Variants in TSHZ1 observed in about 807,000 individuals in gnomAD.
TSHZ1 encodes teashirt zinc finger homeobox 1.
TSHZ1 carries 12 observed loss-of-function variants against 67.1 expected under a neutral mutation model. The observed-to-expected ratio is 0.18, with a 90% CI of 0.11 to 0.29. The LOEUF is 0.29. Among genes scored for constraint, TSHZ1 ranks in the 10% least tolerant of loss-of-function variants. The probability of loss-of-function intolerance (pLI) is 1.00; values close to 1 mark genes in which losing one functional copy is unlikely to be tolerated. For synonymous variants in TSHZ1, 632 were observed against 622.4 expected (o/e 1.02, Z -0.23); for missense variants, 1,305 against 1,413.9 (o/e 0.92, Z 1.23).
Position 75,287,640 on chromosome 18 carries a change from C to A in TSHZ1, c.2233C>A (p.Pro745Thr). 1 of 1,614,194 alleles carries A rather than the reference C, an allele frequency of 6.2e-7. No individual in the cohort carries two copies. Among genetic ancestry groups the A allele is most frequent in the Non-Finnish European group, 8.5e-7 (1 of 1,180,052 alleles). The change falls in exon 2 of 2, where the codon CCG becomes ACG. Residue 745 changes from proline to threonine, a missense_variant. Pro to Thr is a conservative substitution (Grantham distance 38). Coordinates refer to ENST00000580243, the MANE Select transcript of TSHZ1 (RefSeq NM_001308210.2). This position sits in a 1 kb window ranked among gnomAD's most constrained non-coding sequence, Gnocchi z 5.0. ...DHSPEPSFIN[P>T]LSALQSIMNT... ...CTCACCGGAGCCTTCCTTCATCAAC[C>A]CGCTGAGCGCTTTGCAGTCCATCAT...
chr18:75,257,676 C>T (rs952068414), intron 1 of TSHZ1, among the ~76,000 whole-genome samples: 1 of 151,892 alleles, frequency 6.6e-6, no homozygotes, highest in Non-Finnish European at 1.5e-5. Flanking sequence ...GCTTTTGCCT[C>T]TGGGATCTCT....
chr18:75,286,613 C>G lies in TSHZ1; in HGVS notation c.1206C>G (p.Ala402=). 6.2e-7 allele frequency: 1 copy of G among 1,614,250 alleles called. No individual in the cohort carries two copies. Among genetic ancestry groups the G allele is most frequent in the Admixed American group, 1.7e-5 (1 of 60,026 alleles). ...ACCGCTATGGCTACCAGAATGGCGC[C>G]AGCTACACCTGGCAGTTTGAGGCCC... ...PNNRYGYQNG[A]SYTWQFEARK... The change falls in exon 2 of 2, where the codon GCC becomes GCG. Residue 402 remains alanine (A), a synonymous_variant. Coordinates refer to ENST00000580243, the MANE Select transcript of TSHZ1 (RefSeq NM_001308210.2). This position sits in a 1 kb window ranked among gnomAD's most constrained non-coding sequence, Gnocchi z 5.1.
chr18:75,286,636 C>T lies in TSHZ1; in HGVS notation c.1229C>T (p.Ala410Val). The T allele has an allele frequency of 6.2e-7, 1 of 1,614,236 alleles. No homozygotes were observed. Among genetic ancestry groups the T allele is most frequent in the South Asian group, 1.1e-5 (1 of 91,088 alleles). The change falls in exon 2 of 2, where the codon GCC (alanine) becomes GTC (valine). Residue 410 changes from alanine to valine, a missense_variant. Ala to Val is a moderately conservative substitution (Grantham distance 64, BLOSUM62 0). Around this residue, in one of 3 missense-constraint regions of TSHZ1, gnomAD observed 909 missense variants for 961.8 expected, o/e 0.95. Coordinates refer to ENST00000580243, the MANE Select transcript of TSHZ1 (RefSeq NM_001308210.2). This position sits in a 1 kb window ranked among gnomAD's most constrained non-coding sequence, Gnocchi z 5.1. ...GCCAGCTACACCTGGCAGTTTGAGG[C>T]CCGCAAGGCGCAGATCCTCAAGTGC... Reference protein sequence around the residue: ...NGASYTWQFEARKAQILKCME... With the variant: ...NGASYTWQFEVRKAQILKCME...
intron 1 of TSHZ1, among the ~76,000 whole-genome samples, chr18:75,264,411 G>A (rs1003212403): frequency 7.2e-5 from 11 of 151,910 alleles, no homozygotes; most frequent in African/African-American, 2.4e-4. Flanking sequence ...TTTTGCATGC[G>A]GGTGGTGTTT....
chr18:75,213,830 C>A (rs1465745358), intron 1 of TSHZ1, among the ~76,000 whole-genome samples: 1 of 151,982 alleles, frequency 6.6e-6, no homozygotes, highest in Non-Finnish European at 1.5e-5. Flanking sequence ...TCCATTCTTT[C>A]CTCTACACGA....
chr18:75,287,477 A>C lies in TSHZ1; in HGVS notation c.2070A>C (p.Pro690=). 6.2e-7 allele frequency: 1 copy of C among 1,614,208 alleles called. No individual in the cohort carries two copies. The highest frequency in any genetic ancestry group is 8.5e-7 in the Non-Finnish European group (1 of 1,180,040). ...FPKTEEVSGK[P]QKKGPEAETG... Reference sequence around the variant, plus strand: ...AAACGGAGGAAGTCAGCGGCAAACCACAGAAGAAGGGCCCTGAGGCCGAGA... The same window carrying C: ...AAACGGAGGAAGTCAGCGGCAAACCCCAGAAGAAGGGCCCTGAGGCCGAGA... Residue 690 remains proline, a synonymous_variant, in exon 2 of 2, where the codon CCA becomes CCC. Coordinates refer to ENST00000580243, the MANE Select transcript of TSHZ1 (RefSeq NM_001308210.2). The surrounding 1 kb of genome is among the most constrained non-coding windows in gnomAD (Gnocchi z 5.0).
At chr18:75,240,023 T>C (rs2023133493) in intron 1 of TSHZ1, among the ~76,000 whole-genome samples, 1 of 152,192 alleles carries the variant, frequency 6.6e-6, no homozygotes, top group Admixed American at 6.5e-5. Flanking sequence ...ATGAATATGG[T>C]AAAAATAGGA....
intron 1 of TSHZ1, among the ~76,000 whole-genome samples, chr18:75,272,933 A>T (rs530329825): frequency 6.6e-6 from 1 of 152,200 alleles, no homozygotes. Flanking sequence ...GATTCCAAAC[A>T]TCCAAATTTG....
chr18:75,250,209 C>T (rs932389559), intron 1 of TSHZ1, among the ~76,000 whole-genome samples: 1 of 152,176 alleles, frequency 6.6e-6, no homozygotes, highest in South Asian at 2.1e-4. Flanking sequence ...CCCATCTCAC[C>T]CCTGCTGTAG....
chr18:75,287,395 A>C lies in TSHZ1; in HGVS notation c.1988A>C (p.Lys663Thr). The change falls in exon 2 of 2, where the codon AAG becomes ACG. Residue 663 changes from lysine (K) to threonine (T), a missense_variant. Transcript: ENST00000580243. This position sits in a 1 kb window ranked among gnomAD's most constrained non-coding sequence, Gnocchi z 5.0. Reference sequence around the variant, plus strand: ...GAGGAGAGACCCCCTGAGAAGGAGAAGAGCTCCCTGGCCAAGGCTGCGTCC... The same window carrying C: ...GAGGAGAGACCCCCTGAGAAGGAGACGAGCTCCCTGGCCAAGGCTGCGTCC... ...KKEERPPEKE[K>T]SSLAKAASPI... 6.2e-7 allele frequency: 1 copy of C among 1,614,128 alleles called. No homozygotes were observed. The highest frequency in any genetic ancestry group is 8.5e-7 in the Non-Finnish European group (1 of 1,180,026).
chr18:75,275,645 G>T (rs1455304392), intron 1 of TSHZ1, among the ~76,000 whole-genome samples: 1 of 152,200 alleles, frequency 6.6e-6, no homozygotes, highest in African/African-American at 2.4e-5. Flanking sequence ...TTGGAACCTG[G>T]TGTTGGCTAA....
At chr18:75,229,278 T>C (rs1236840354) in intron 1 of TSHZ1, among the ~76,000 whole-genome samples, 3 of 152,228 alleles carry the variant, frequency 2.0e-5, no homozygotes, top group Non-Finnish European at 4.4e-5. Flanking sequence ...GCTTTTTAAA[T>C]AGGGAAGGTT....
chr18:75,236,216 G>A (rs2023068752), intron 1 of TSHZ1, among the ~76,000 whole-genome samples: 1 of 152,184 alleles, frequency 6.6e-6, no homozygotes, highest in South Asian at 2.1e-4. Context: ...CACCTGACCA[G>A]GGGTGTGTGT....
chr18:75,211,963 G>A, intron 1 of TSHZ1, 47 bp downstream of exon 1: 1 of 1,197,154 alleles, frequency 8.4e-7, no homozygotes, highest in Non-Finnish European at 1.0e-6. Context: ...GCCGGGAGGA[G>A]CAGGAGGAGG....
chr18:75,215,637 C>T (rs960703663), intron 1 of TSHZ1, among the ~76,000 whole-genome samples: 3 of 152,188 alleles, frequency 2.0e-5, no homozygotes, highest in African/African-American at 7.2e-5. Context: ...GAACTTCCAA[C>T]TGCAATATCA....
At chr18:75,269,055 C>T (rs2023526153) in intron 1 of TSHZ1, among the ~76,000 whole-genome samples, 1 of 152,138 alleles carries the variant, frequency 6.6e-6, no homozygotes, top group Non-Finnish European at 1.5e-5. Context: ...GGCCAGCATA[C>T]TGGAAATACG....
chr18:75,271,173 G>A (rs553865506), intron 1 of TSHZ1, among the ~76,000 whole-genome samples: 38 of 152,294 alleles, frequency 2.5e-4, no homozygotes, highest in African/African-American at 9.1e-4. Flanking sequence ...GGACCTCACA[G>A]GCAGCCGATC....
chr18:75,218,733 A>G (rs778364949), intron 1 of TSHZ1, among the ~76,000 whole-genome samples: 6 of 152,234 alleles, frequency 3.9e-5, no homozygotes, highest in Non-Finnish European at 7.3e-5. Flanking sequence ...AAAGCCTATA[A>G]AAAGTAAATG....
chr18:75,237,173 G>A (rs547881321), intron 1 of TSHZ1, among the ~76,000 whole-genome samples: 19 of 152,246 alleles, frequency 1.2e-4, no homozygotes, highest in Admixed American at 5.2e-4. Context: ...GTGTCAGGGC[G>A]GTTCCTGCAC....
Sources: allele counts gnomAD v4.1 joint callset (sites outside exome capture counted in the v4.1 genomes callset), GRCh38; gene constraint gnomAD v4.1.1; regional missense constraint gnomAD v4.1.1; non-coding constraint Gnocchi (gnomAD v3.1); transcripts MANE v1.5; gene names NCBI Gene and HGNC (gene_info 2026-07-23, HGNC 2026-07-21).